Variants in SMAP2 observed in about 807,000 individuals in gnomAD.
SMAP2 encodes the protein stromal membrane-associated protein 2.
In SMAP2, 25 loss-of-function variants were observed where a neutral mutation model predicts 56.4. That is an observed-to-expected ratio of 0.44 (90% confidence interval 0.32 to 0.62). SMAP2 has a LOEUF of 0.62. SMAP2 is among the 20% of genes least tolerant of loss of function. The pLI, the probability that SMAP2 is intolerant of heterozygous loss-of-function variation, is 0.04. For missense variants in SMAP2, 388 were observed against 545.6 expected (o/e 0.71, Z 2.88); for synonymous variants, 157 against 181.7 (o/e 0.86, Z 1.09).
rs559033933 is a variant in SMAP2, at chr1:40,415,962, C to G, written c.682-214C>G. Among the ~76,000 whole-genome samples, 6 of 152,240 alleles carry G rather than the reference C, an allele frequency of 3.9e-5. No homozygotes were observed. In the East Asian group the frequency reaches 1.2e-3, roughly 29 times the overall value. ...GGGTTGTTTTGTTTGTTTGTTCCTACCAAATCACATGTTTTGGTGAAAGGA... is the reference window on the plus strand; with the variant it reads ...GGGTTGTTTTGTTTGTTTGTTCCTAGCAAATCACATGTTTTGGTGAAAGGA... On this transcript the variant is annotated intron_variant, in intron 7 of 9. Coordinates refer to ENST00000372718, the MANE Select transcript of SMAP2 (RefSeq NM_022733.3).
At chr1:40,399,579 C>CT (rs1049753851) in intron 1 of SMAP2, among the ~76,000 whole-genome samples, 2 of 147,884 alleles carry the variant, frequency 1.4e-5, no homozygotes, top group African/African-American at 5.0e-5. Context: ...GCTCATGCAT[C>CT]TAGTCCCAGC....
At chr1:40,410,829 T>G (rs182349) in intron 4 of SMAP2, among the ~76,000 whole-genome samples, 137,564 of 152,242 alleles carry the variant, frequency 0.9, 62,337 homozygotes, top group East Asian at 0.97. Context: ...TGACTATTTA[T>G]ACCTTTAAAT....
At chr1:40,372,760 T>A (rs191395707), upstream of SMAP2, among the ~76,000 whole-genome samples, 22 of 152,322 alleles carry the variant, frequency 1.4e-4, no homozygotes, top group Non-Finnish European at 2.9e-4. Context: ...CTTCCCTGAT[T>A]AATTATTTCC....
intron 1 of SMAP2, among the ~76,000 whole-genome samples, chr1:40,398,695 G>T (rs998842791): frequency 1.3e-4 from 19 of 151,998 alleles, no homozygotes; most frequent in African/African-American, 3.6e-4. Flanking sequence ...TTTGAGATAG[G>T]GTGTCAATAT....
chr1:40,416,853 C>A lies in SMAP2; in HGVS notation c.921C>A (p.Asn307Lys). The A allele has an allele frequency of 6.2e-7, 1 of 1,614,164 alleles. No individual in the cohort carries two copies. Among genetic ancestry groups the A allele is most frequent in the South Asian group, 1.1e-5 (1 of 91,090 alleles). The part of the protein sequence containing the change: ...YPSFPGVTPP[N>K]SIMGSMMPPP... Reference sequence around the variant, plus strand: ...GCTTCCCCGGGGTTACACCTCCTAACAGCATAATGGGGAGCATGATGCCTC... The same window carrying A: ...GCTTCCCCGGGGTTACACCTCCTAAAAGCATAATGGGGAGCATGATGCCTC... Residue 307 changes from asparagine (N) to lysine (K), a missense_variant, in exon 9 of 10, where the codon AAC becomes AAA. Physicochemically the swap from Asn to Lys is moderately conservative, Grantham distance 94 (BLOSUM62 0). Transcript: ENST00000372718.
At chr1:40,364,795 A>G (rs1644474801) in intron 2 of SMAP2, 1 of 153,074 alleles carries the variant, frequency 6.5e-6, no homozygotes. Context: ...CAGGGACATC[A>G]AGGTGCTGAA....
chr1:40,368,020 T>C (rs1448229090), intron 2 of SMAP2, among the ~76,000 whole-genome samples: 2 of 144,432 alleles, frequency 1.4e-5, no homozygotes, highest in Non-Finnish European at 3.0e-5. Flanking sequence ...ATAAAGGGGA[T>C]AGCACCACCG....
intron 1 of SMAP2, among the ~76,000 whole-genome samples, chr1:40,390,701 T>C (rs1272738352): frequency 6.6e-6 from 1 of 152,204 alleles, no homozygotes; most frequent in Non-Finnish European, 1.5e-5. Flanking sequence ...TTACTATGTA[T>C]AACACACATT....
chr1:40,388,490 C>G (rs541615848), intron 1 of SMAP2, among the ~76,000 whole-genome samples: 1 of 151,956 alleles, frequency 6.6e-6, no homozygotes, highest in Non-Finnish European at 1.5e-5. Context: ...CTGGTGGGGA[C>G]TTGGAGAACC....
chr1:40,386,095 T>C lies in SMAP2; in HGVS notation c.103+11872T>C, dbSNP rs1644651137. On this transcript the variant is annotated intron_variant, in intron 1 of 9. Transcript: ENST00000372718. The surrounding 1 kb of genome is among the most constrained non-coding windows in gnomAD (Gnocchi z 4.1). ...GTTGTTGACACTTTATCACTCCTTA[T>C]AACTGACACAAACCCTGAGAAGAGA... 6.6e-6 allele frequency among the ~76,000 whole-genome samples: 1 copy of C among 152,210 alleles called. No individual in the cohort carries two copies. The highest frequency in any genetic ancestry group is 1.5e-5 in the Non-Finnish European group (1 of 68,040).
Position 40,416,839 on chromosome 1 carries a change from G to T in SMAP2, c.907G>T (p.Val303Phe), listed in dbSNP as rs1191216121. The change falls in exon 9 of 10, where the codon GTT becomes TTT. Residue 303 changes from valine to phenylalanine, a missense_variant. Coordinates refer to ENST00000372718, the MANE Select transcript of SMAP2 (RefSeq NM_022733.3). ...YPTAYPSFPG[V>F]TPPNSIMGSM... ...CACAGCCTACCCCAGCTTCCCCGGG[G>T]TTACACCTCCTAACAGCATAATGGG... is the stretch of plus-strand genomic sequence containing the variant. 1.2e-6 allele frequency: 2 copies of T among 1,613,392 alleles called. No individual in the cohort carries two copies. The highest frequency in any genetic ancestry group is 8.5e-7 in the Non-Finnish European group (1 of 1,179,362).
intron 1 of SMAP2, among the ~76,000 whole-genome samples, chr1:40,357,119 C>A (rs1644439377): frequency 6.7e-6 from 1 of 150,072 alleles, no homozygotes; most frequent in Non-Finnish European, 1.5e-5. Flanking sequence ...TGTGGGTTGT[C>A]TCTTCATTTT....
intron 1 of SMAP2, among the ~76,000 whole-genome samples, chr1:40,391,204 G>A (rs1028289973): frequency 6.6e-6 from 1 of 152,228 alleles, no homozygotes; most frequent in African/African-American, 2.4e-5. Flanking sequence ...GAGGAACAAA[G>A]ATGGGACTAT....
chr1:40,417,176 T>C lies in SMAP2; in HGVS notation c.1164+80T>C, dbSNP rs1644997253. The C allele has an allele frequency of 4.1e-6, 4 of 972,024 alleles. No homozygotes were observed. In the South Asian group the frequency reaches 6.7e-5, roughly 16 times the overall value. The allele number at this position is 972,024 out of a possible 1,614,324, so 60.2% of individuals were successfully genotyped here. ...CTCGGTTTGTACCTCTCCACTATCC[T>C]TTGAATCCTTTCCATGTAGATGAGA... On this transcript the variant is annotated intron_variant, in intron 9 of 9. Coordinates refer to ENST00000372718, the MANE Select transcript of SMAP2 (RefSeq NM_022733.3).
chr1:40,345,130 A>G (rs558874299), intron 1 of SMAP2, among the ~76,000 whole-genome samples: 8 of 152,244 alleles, frequency 5.3e-5, no homozygotes, highest in South Asian at 2.1e-4. Context: ...AGGGCTGGGC[A>G]TAGTGGCTCA....
rs1187699777 is a variant in SMAP2, at chr1:40,374,588, CGTGCGTGCGT to C, written c.103+369_103+378del. The stretch of plus-strand genomic sequence containing the variant: ...GGGGATGAACTGCATTGCGTGCGTG[CGTGCGTGCGT>C]GTGTGTGTGTGTGTGTGTGTGTGTG... On this transcript the variant is annotated intron_variant, in intron 1 of 9. Transcript: ENST00000372718. The surrounding 1 kb of genome is among the most constrained non-coding windows in gnomAD (Gnocchi z 5.9). 8 of 1,273,102 alleles carry C rather than the reference CGTGCGTGCGT, an allele frequency of 6.3e-6. No homozygotes were observed. The highest frequency in any genetic ancestry group is 8.6e-6 in the Non-Finnish European group (8 of 928,118). 78.9% of individuals were successfully genotyped at this position (1,273,102 alleles called of 1,614,324 possible).
Position 40,385,484 on chromosome 1 carries a change from TG to T in SMAP2, c.103+11264del, listed in dbSNP as rs1472877758. On this transcript the variant is annotated intron_variant, in intron 1 of 9. Coordinates refer to ENST00000372718, the MANE Select transcript of SMAP2 (RefSeq NM_022733.3). This position sits in a 1 kb window ranked among gnomAD's most constrained non-coding sequence, Gnocchi z 4.5. The stretch of plus-strand genomic sequence containing the variant: ...TTTCTTAATCTGAAACAATGAGAAC[TG>T]GGTTCCTCAGGCCTCATGTCATTTC... 6.6e-6 allele frequency among the ~76,000 whole-genome samples: 1 copy of T among 152,242 alleles called. No homozygotes were observed.
chr1:40,411,286 A>G lies in SMAP2; in HGVS notation c.402+1451A>G, dbSNP rs1363056832. 2.6e-5 allele frequency among the ~76,000 whole-genome samples: 4 copies of G among 152,228 alleles called. No individual in the cohort carries two copies. The South Asian group carries it at 6.2e-4, about 24-fold the overall frequency. Reference sequence around the variant, plus strand: ...GCTACAGCTTGCATGGCATCATCAAAAACAGTTTAGAACCCAAGCATACAC... The same window carrying G: ...GCTACAGCTTGCATGGCATCATCAAGAACAGTTTAGAACCCAAGCATACAC... On this transcript the variant is annotated intron_variant, in intron 4 of 9. Coordinates refer to ENST00000372718, the MANE Select transcript of SMAP2 (RefSeq NM_022733.3).
chr1:40,371,109 G>T (rs1388832202), upstream of SMAP2, among the ~76,000 whole-genome samples: 2 of 151,942 alleles, frequency 1.3e-5, no homozygotes, highest in Non-Finnish European at 2.9e-5. Context: ...GGAGGCGGAG[G>T]TTGCAGTGAG....
Sources: gnomAD v4.1 joint callset for allele counts (sites outside exome capture counted in the v4.1 genomes callset) on GRCh38, gnomAD v4.1.1 for gene constraint, Gnocchi (gnomAD v3.1) non-coding constraint, MANE v1.5 for transcripts, NCBI Gene and HGNC (gene_info 2026-07-23, HGNC 2026-07-21) for gene names.